ANKRD17: variants seen among roughly 807,000 people sequenced by gnomAD.
ANKRD17 encodes ankyrin repeat domain-containing protein 17.
In ANKRD17, 19 loss-of-function variants were observed where a neutral mutation model predicts 229.7. The ratio of observed to expected loss-of-function variants is 0.08; its 90% CI spans 0.06 to 0.12. The LOEUF (loss-of-function observed/expected upper bound fraction) is 0.12, where lower values mean the gene tolerates loss of function less well. Ranked by LOEUF, ANKRD17 falls within the 10% of genes least tolerant of loss-of-function variation. ANKRD17 has a pLI of 1.00. For missense variants in ANKRD17, 2,176 were observed against 3,176.8 expected, an observed-to-expected ratio of 0.68 and a Z score of 7.57; for synonymous variants, 1,112 against 1,146.1, an observed-to-expected ratio of 0.97 and a Z score of 0.60.
In ANKRD17 at chr4:73,098,054, A is replaced by G; in HGVS notation, c.5021+19T>C. 10 of 1,563,992 alleles carry G rather than the reference A, an allele frequency of 6.4e-6. No individual in the cohort carries two copies. The highest frequency in any genetic ancestry group is 8.7e-6 in the Non-Finnish European group (10 of 1,153,494). On this transcript the variant is annotated intron_variant, in intron 26 of 33. Transcript: ENST00000358602. The stretch of plus-strand genomic sequence containing the variant: ...TCATGATGACACTATAAATATTGAA[A>G]ATAAAAATTGGAACTAACTTTATTG...
At chr4:73,169,728 G>A (rs1258140692) in intron 2 of ANKRD17, among the ~76,000 whole-genome samples, 1 of 152,182 alleles carries the variant, frequency 6.6e-6, no homozygotes, top group Non-Finnish European at 1.5e-5. Flanking sequence ...TCCCCTAGCA[G>A]CTCCCCACAT....
intron 2 of ANKRD17, among the ~76,000 whole-genome samples, chr4:73,166,911 G>A (rs929536593): frequency 6.6e-6 from 1 of 152,046 alleles, no homozygotes; most frequent in African/African-American, 2.4e-5. Flanking sequence ...TAAACCAACT[G>A]TAAAAAGACA....
chr4:73,187,795 T>C (rs1736498280), intron 1 of ANKRD17, among the ~76,000 whole-genome samples: 1 of 152,126 alleles, frequency 6.6e-6, no homozygotes, highest in Admixed American at 6.5e-5. Flanking sequence ...CATAAATATA[T>C]CACAAAGATT....
chr4:73,083,570 A>G (rs887560024), intron 30 of ANKRD17, among the ~76,000 whole-genome samples: 1 of 152,222 alleles, frequency 6.6e-6, no homozygotes, highest in Admixed American at 6.5e-5. Context: ...GGAATGTGGC[A>G]ACAATAAAAG....
chr4:73,226,446 G>C (rs1032263748), intron 1 of ANKRD17, among the ~76,000 whole-genome samples: 2 of 136,690 alleles, frequency 1.5e-5, no homozygotes, highest in Non-Finnish European at 3.1e-5. Context: ...CTGGGGTGGA[G>C]TGCAGTGGTG....
chr4:73,246,455 G>C (rs1189213720), intron 1 of ANKRD17, among the ~76,000 whole-genome samples: 1 of 152,066 alleles, frequency 6.6e-6, no homozygotes, highest in African/African-American at 2.4e-5. Context: ...TAACTGGATG[G>C]GACTTTGAAT....
intron 2 of ANKRD17, among the ~76,000 whole-genome samples, chr4:73,165,797 G>C (rs1228019866): frequency 1.3e-5 from 2 of 152,208 alleles, no homozygotes; most frequent in African/African-American, 4.8e-5. Flanking sequence ...CTGACTTAAA[G>C]ATGGAGGGTG....
chr4:73,123,975 C>T (rs969237156), intron 18 of ANKRD17, among the ~76,000 whole-genome samples: 1 of 150,860 alleles, frequency 6.6e-6, no homozygotes, highest in Non-Finnish European at 1.5e-5. Flanking sequence ...ACAACCGAAA[C>T]AAGACTTGTT....
chr4:73,085,235 T>C lies in ANKRD17; in HGVS notation c.7159+14A>G. ...TATGCAGATTCTTATGGAATTACGG[T>C]GTATAAAACTCACCATTTGATGCTG... On this transcript the variant is annotated intron_variant, in intron 30 of 33. Coordinates refer to ENST00000358602, the MANE Select transcript of ANKRD17 (RefSeq NM_032217.5). The C allele has an allele frequency of 6.2e-7, 1 of 1,611,178 alleles. No homozygotes were observed. Among genetic ancestry groups the C allele is most frequent in the East Asian group, 2.2e-5 (1 of 44,848 alleles).
intron 1 of ANKRD17, among the ~76,000 whole-genome samples, chr4:73,202,472 A>T: frequency 6.6e-6 from 1 of 152,124 alleles, no homozygotes; most frequent in South Asian, 2.1e-4. Context: ...AGGAGCTGTA[A>T]ACTAAACAAT....
At chr4:73,086,726 C>T (rs1371185197) in intron 29 of ANKRD17, among the ~76,000 whole-genome samples, 1 of 148,972 alleles carries the variant, frequency 6.7e-6, no homozygotes, top group Non-Finnish European at 1.5e-5. Flanking sequence ...GTATCTGGGG[C>T]TACAGGTGTT....
intron 4 of ANKRD17, 109 bp downstream of exon 4, chr4:73,155,910 A>G: frequency 6.1e-6 from 9 of 1,480,494 alleles, no homozygotes; most frequent in Non-Finnish European, 8.1e-6. Context: ...TAACAAAACT[A>G]TTTGTTGAAA....
chr4:73,211,135 C>T (rs1178009267), intron 1 of ANKRD17, among the ~76,000 whole-genome samples: 1 of 151,744 alleles, frequency 6.6e-6, no homozygotes, highest in Non-Finnish European at 1.5e-5. Context: ...ATAATACAGA[C>T]CATAAAATAT....
chr4:73,188,003 C>T (rs1479300087), intron 1 of ANKRD17, among the ~76,000 whole-genome samples: 7 of 152,004 alleles, frequency 4.6e-5, no homozygotes, highest in Non-Finnish European at 1.0e-4. Flanking sequence ...TGAACTAGAA[C>T]TTAGTATATC....
At chr4:73,138,974 AG>A (rs1729268311) in intron 15 of ANKRD17, among the ~76,000 whole-genome samples, 2 of 152,170 alleles carry the variant, frequency 1.3e-5, no homozygotes, top group African/African-American at 4.8e-5. Context: ...TAACATTCAC[AG>A]GGGACAAAAT....
At chr4:73,144,723 C>T in intron 11 of ANKRD17, 22 bp downstream of exon 11, 1 of 1,495,910 alleles carries the variant, frequency 6.7e-7, no homozygotes, top group Non-Finnish European at 8.9e-7. Context: ...CAAAAAAAGA[C>T]AACTGTTTTA....
At chr4:73,133,996 A>G (rs1226407769) in intron 16 of ANKRD17, among the ~76,000 whole-genome samples, 1 of 152,196 alleles carries the variant, frequency 6.6e-6, no homozygotes, top group Non-Finnish European at 1.5e-5. Flanking sequence ...TACATCATGT[A>G]TGTGGTCTGA....
At chr4:73,193,225 G>A (rs903131543) in intron 1 of ANKRD17, among the ~76,000 whole-genome samples, 1 of 152,146 alleles carries the variant, frequency 6.6e-6, no homozygotes, top group African/African-American at 2.4e-5. Context: ...ATTCATAAAT[G>A]TTGTAGCATG....
In ANKRD17 at chr4:73,223,007, T is replaced by C. The variant is rs1304447122; in HGVS notation, c.393+35269A>G. ...TGTCTTCTAGAACATATGCTTCCAT[T>C]TCAGCCGCTGTCTCCACCATGTTTT... On this transcript the variant is annotated intron_variant, in intron 1 of 33. Transcript: ENST00000358602. 3.8e-5 allele frequency: 58 copies of C among 1,536,060 alleles called. No individual in the cohort carries two copies. In the East Asian group the frequency reaches 1.4e-3, roughly 36 times the overall value.
Sources: allele counts gnomAD v4.1 joint callset (sites outside exome capture counted in the v4.1 genomes callset), GRCh38; gene constraint gnomAD v4.1.1; transcripts MANE v1.5; gene names NCBI Gene and HGNC (gene_info 2026-07-23, HGNC 2026-07-21).